Variants in ASAP1 observed in about 807,000 individuals in gnomAD.
The protein encoded by ASAP1 is ArfGAP with SH3 domain, ankyrin repeat and PH domain 1.
Under a neutral mutation model 145.2 loss-of-function variants are expected in ASAP1, and 43 were observed. The observed-to-expected ratio is 0.30, with a 90% confidence interval of 0.23 to 0.38. The LOEUF (loss-of-function observed/expected upper bound fraction) is 0.38, where lower values mean the gene tolerates loss of function less well. ASAP1 is among the 10% of genes least tolerant of loss of function. The pLI, the probability that ASAP1 is intolerant of heterozygous loss-of-function variation, is 1.00. For synonymous variants in ASAP1, 546 were observed against 515.5 expected, an observed-to-expected ratio of 1.06 and a Z score of -0.80; for missense variants, 1,018 against 1,355.3, an observed-to-expected ratio of 0.75 and a Z score of 3.91.
intron 12 of ASAP1, among the ~76,000 whole-genome samples, chr8:130,155,401 T>C (rs1230715276): frequency 6.6e-6 from 1 of 152,144 alleles, no homozygotes; most frequent in African/African-American, 2.4e-5. Flanking sequence ...GGGTGTCACT[T>C]TGTAACCCAG....
At chr8:130,320,949 C>T (rs1823966873) in intron 3 of ASAP1, among the ~76,000 whole-genome samples, 3 of 152,166 alleles carry the variant, frequency 2.0e-5, no homozygotes, top group Admixed American at 2.0e-4. Flanking sequence ...AACGGGCTAG[C>T]CACCTATCTA....
At chr8:130,128,130 A>C in intron 15 of ASAP1, 40 bp from the exon 16 acceptor site, 1 of 708,640 alleles carries the variant, frequency 1.4e-6, no homozygotes, top group Non-Finnish European at 1.9e-6. Context: ...TCTTTATAAG[A>C]GCATGGTCAT....
chr8:130,289,161 G>C (rs1418307647), intron 3 of ASAP1, among the ~76,000 whole-genome samples: 1 of 152,094 alleles, frequency 6.6e-6, no homozygotes, highest in Non-Finnish European at 1.5e-5. Context: ...ACTCCAGCCT[G>C]GGCGACAGAG....
chr8:130,085,675 CAATAA>C (rs1476905466), intron 25 of ASAP1, among the ~76,000 whole-genome samples: 1 of 129,298 alleles, frequency 7.7e-6, no homozygotes, highest in Non-Finnish European at 1.6e-5. Context: ...GTTGAGGCTA[CAATAA>C]GCCATGATTG....
At chr8:130,072,830 C>CGCGCGCGCGCACGCGCGCG (rs1448184178) in intron 27 of ASAP1, among the ~76,000 whole-genome samples, 12 of 31,922 alleles carry the variant, frequency 3.8e-4, no homozygotes, top group Admixed American at 1.7e-3. Flanking sequence ...TGTGTGCGCG[C>CGCGCGCGCGCACGCGCGCG]GGGGGGGGGC....
At chr8:130,309,175 A>T (rs1453549003) in intron 3 of ASAP1, among the ~76,000 whole-genome samples, 1 of 152,210 alleles carries the variant, frequency 6.6e-6, no homozygotes, top group Admixed American at 6.5e-5. Flanking sequence ...CTACTATTTT[A>T]AAAAGCACAA....
At chr8:130,276,287 C>T in intron 3 of ASAP1, among the ~76,000 whole-genome samples, 1 of 152,210 alleles carries the variant, frequency 6.6e-6, no homozygotes, top group South Asian at 2.1e-4. Flanking sequence ...TCTAAGTTCA[C>T]AAAGTGATTC....
chr8:130,329,868 C>G (rs1824568907), intron 3 of ASAP1, among the ~76,000 whole-genome samples: 2 of 152,200 alleles, frequency 1.3e-5, no homozygotes, highest in Admixed American at 1.3e-4. Flanking sequence ...CCATGTTTAT[C>G]AATTAACTGG....
chr8:130,091,844 C>T (rs1326394011), intron 25 of ASAP1, 129 bp downstream of exon 25: 2 of 1,009,414 alleles, frequency 2.0e-6, no homozygotes, highest in Non-Finnish European at 2.8e-6. Flanking sequence ...TCATATATAC[C>T]CGAGTCAGCA....
intron 2 of ASAP1, among the ~76,000 whole-genome samples, chr8:130,368,860 C>A (rs1184504015): frequency 6.6e-6 from 1 of 152,150 alleles, no homozygotes; most frequent in Non-Finnish European, 1.5e-5. Context: ...CTTGGACTTC[C>A]TAGTAATGTG....
chr8:130,093,666 C>CAAAAAAAAAA lies in ASAP1; in HGVS notation c.2402-1533_2402-1524dup, dbSNP rs71572317. ...TGGCTGTCACAGCGAGACTCCGTCT[C>CAAAAAAAAAA]AAAAAAAAAAAAAAAAAAAAAAAGA... On this transcript the variant is annotated intron_variant, in intron 24 of 29. Coordinates refer to ENST00000518721, the MANE Select transcript of ASAP1 (RefSeq NM_018482.4). Among the ~76,000 whole-genome samples the CAAAAAAAAAA allele has an allele frequency of 1.9e-3, 97 of 52,188 alleles. 10 individuals carry two copies. In the Middle Eastern group the frequency reaches 0.045, roughly 24 times the overall value. 34.2% of individuals were successfully genotyped at this position (52,188 alleles called of 152,430 possible).
intron 27 of ASAP1, 96 bp from the exon 28 acceptor site, chr8:130,061,165 A>G: frequency 7.0e-7 from 1 of 1,432,666 alleles, no homozygotes; most frequent in East Asian, 2.4e-5. Context: ...AAGGGAACTG[A>G]CCTATAGTGA....
At chr8:130,267,050 G>C (rs72724420) in intron 3 of ASAP1, among the ~76,000 whole-genome samples, 26,786 of 149,310 alleles carry the variant, frequency 0.18, 3,056 homozygotes, top group East Asian at 0.44. Context: ...CAAAAAAAAA[G>C]TAGTCATTAA....
chr8:130,279,031 G>A (rs1428035267), intron 3 of ASAP1, among the ~76,000 whole-genome samples: 2 of 152,184 alleles, frequency 1.3e-5, no homozygotes, highest in Non-Finnish European at 2.9e-5. Flanking sequence ...TATTGAAAGT[G>A]ATACCCTAAT....
At chr8:130,368,461 T>C (rs1272112360) in intron 2 of ASAP1, among the ~76,000 whole-genome samples, 8 of 152,212 alleles carry the variant, frequency 5.3e-5, no homozygotes, top group African/African-American at 1.7e-4. Context: ...TAGGAACTAC[T>C]CCTCCCTGAC....
chr8:130,188,806 ATACTACAGTACACGTATATGTG>A (rs1412923997), intron 5 of ASAP1, among the ~76,000 whole-genome samples: 1 of 152,082 alleles, frequency 6.6e-6, no homozygotes, highest in African/African-American at 2.4e-5. Context: ...CTTAAACACT[ATACTACAGTACACGTATATGTG>A]TACAAATAAT....
At chr8:130,276,760 T>TCTCTCTCTCTCTCTCTCTCTCC (rs1333515760) in intron 3 of ASAP1, among the ~76,000 whole-genome samples, 63 of 130,342 alleles carry the variant, frequency 4.8e-4, no homozygotes, top group South Asian at 2.4e-3. Flanking sequence ...TCTCTCTCTC[T>TCTCTCTCTCTCTCTCTCTCTCC]CCTCTAACAA....
At position 130,279,657 on chromosome 8, in the gene ASAP1, G is replaced by A. The variant is rs140114059; in HGVS notation, c.187-42663C>T. On this transcript the variant is annotated intron_variant, in intron 3 of 29. Coordinates refer to ENST00000518721, the MANE Select transcript of ASAP1 (RefSeq NM_018482.4). ...TCTATAAAACAAATAGACTTGACTA[G>A]ATAATTTCTAGATCTTTCTCTATTG... Among the ~76,000 whole-genome samples the A allele has an allele frequency of 3.3e-3, 509 of 152,254 alleles. 1 individual carries two copies. The highest frequency in any genetic ancestry group is 0.011 in the African/African-American group (456 of 41,540).
At chr8:130,147,623 C>T (rs965247535) in intron 13 of ASAP1, among the ~76,000 whole-genome samples, 1 of 152,232 alleles carries the variant, frequency 6.6e-6, no homozygotes, top group African/African-American at 2.4e-5. Flanking sequence ...AAGACAGGTA[C>T]TGTTATTCTG....
Sources: allele counts gnomAD v4.1 joint callset (sites outside exome capture counted in the v4.1 genomes callset), GRCh38; gene constraint gnomAD v4.1.1; transcripts MANE v1.5; gene names NCBI Gene and HGNC (gene_info 2026-07-23, HGNC 2026-07-21).